Variants in PSG9 observed in about 807,000 individuals in gnomAD.
PSG9 encodes pregnancy specific beta-1-glycoprotein 9, also known as pregnancy-specific beta-1-glycoprotein 9.
In PSG9, 49 loss-of-function variants were observed where a neutral mutation model predicts 41.9. The ratio of observed to expected loss-of-function variants is 1.17; its 90% confidence interval spans 0.93 to 1.48. PSG9 has a LOEUF of 1.48. Among genes scored for constraint, PSG9 ranks in the 40% most tolerant of loss-of-function variants. PSG9 has a pLI of 0.00. For synonymous variants in PSG9, 263 were observed against 196.8 expected, an observed-to-expected ratio of 1.34 and a Z score of -2.82; for missense variants, 641 against 520.3, an observed-to-expected ratio of 1.23 and a Z score of -2.26.
At position 43,261,891 on chromosome 19, in the gene PSG9, A is replaced by G. The variant is rs574939024; in HGVS notation, c.678T>C (p.Ser226=). 1.2e-4 allele frequency: 192 copies of G among 1,613,994 alleles called. No individual in the cohort carries two copies. Among genetic ancestry groups the G allele is most frequent in the African/African-American group, 3.5e-4 (26 of 75,030 alleles). The change falls in exon 3 of 6, where the codon AGT becomes AGC. Residue 226 remains serine (S), a synonymous_variant. Coordinates refer to ENST00000270077, the MANE Select transcript of PSG9 (RefSeq NM_002784.5). ...ECEIRNPVSA[S]RSDPVTLNLL... The stretch of plus-strand genomic sequence containing the variant: ...GATTCAGGGTGACTGGGTCACTGCG[A>G]CTGGCACTCACTGGGTTCCGTATTT...
intron 1 of PSG9, among the ~76,000 whole-genome samples, chr19:43,269,017 T>C (rs1390098469): frequency 1.3e-5 from 2 of 152,036 alleles, no homozygotes; most frequent in Non-Finnish European, 2.9e-5. Context: ...TTTTTCTTTT[T>C]TTTTTGAGAC....
chr19:43,257,546 G>C, intron 5 of PSG9: 2 of 981,078 alleles, frequency 2.0e-6, no homozygotes, highest in Non-Finnish European at 2.4e-6. Flanking sequence ...TCAGGAGTCT[G>C]CCCTGAGGCT....
At chr19:43,263,017 A>G (rs758026907) in intron 2 of PSG9, among the ~76,000 whole-genome samples, 1 of 152,208 alleles carries the variant, frequency 6.6e-6, no homozygotes, top group Non-Finnish European at 1.5e-5. Context: ...CTGGCCCTCA[A>G]GGACCATATG....
At chr19:43,265,238 G>A (rs1252934190) in intron 2 of PSG9, among the ~76,000 whole-genome samples, 1 of 152,110 alleles carries the variant, frequency 6.6e-6, no homozygotes, top group Non-Finnish European at 1.5e-5. Flanking sequence ...AAGATTATAG[G>A]AGGGAACTGA....
At chr19:43,255,788 AG>A (rs1968424727) in intron 5 of PSG9, among the ~76,000 whole-genome samples, 1 of 146,880 alleles carries the variant, frequency 6.8e-6, no homozygotes. Flanking sequence ...TTTAGGAATA[AG>A]TTTAATCAAA....
chr19:43,259,189 C>A (rs1323507970), intron 3 of PSG9, 54 bp from the exon 4 acceptor site: 4 of 1,569,142 alleles, frequency 2.5e-6, no homozygotes, highest in East Asian at 5.4e-5. Flanking sequence ...GATTCCTCCA[C>A]AGGCATACTT....
chr19:43,254,807 A>G lies in PSG9; in HGVS notation c.1244-1161T>C, dbSNP rs183689126. Reference sequence around the variant, plus strand: ...TTACTCAAATCAGAAATGAAAATGGACTCTGAGCATGGTGGGTCATGTTTT... The same window carrying G: ...TTACTCAAATCAGAAATGAAAATGGGCTCTGAGCATGGTGGGTCATGTTTT... On this transcript the variant is annotated intron_variant, in intron 5 of 5. Coordinates refer to ENST00000270077, the MANE Select transcript of PSG9 (RefSeq NM_002784.5). Among the ~76,000 whole-genome samples the G allele has an allele frequency of 1.2e-4, 18 of 145,924 alleles. 3 individuals are homozygous for G. In the East Asian group the frequency reaches 3.1e-3, roughly 25 times the overall value.
In PSG9 at chr19:43,259,125, G is replaced by T. The variant is rs770667201; in HGVS notation, c.720C>A (p.Pro240=). 7.5e-6 allele frequency: 12 copies of T among 1,590,408 alleles called. No homozygotes were observed. Among genetic ancestry groups the T allele is most frequent in the Non-Finnish European group, 7.7e-6 (9 of 1,174,226 alleles). The part of the protein sequence containing the change: ...PVTLNLLPKL[P]IPYITINNLN... Reference sequence around the variant, plus strand: ...AGTTGTTGATGGTGATGTAGGGGATGGGCAGCTTCGCTGTGTGGATAACAG... The same window carrying T: ...AGTTGTTGATGGTGATGTAGGGGATTGGCAGCTTCGCTGTGTGGATAACAG... Residue 240 remains proline (P), a synonymous_variant, in exon 4 of 6, where the codon CCC becomes CCA. Transcript: ENST00000270077.
chr19:43,264,998 A>G (rs1170716085), intron 2 of PSG9, among the ~76,000 whole-genome samples: 4 of 152,132 alleles, frequency 2.6e-5, no homozygotes, highest in Non-Finnish European at 4.4e-5. Context: ...CTGGTTAGTC[A>G]GGGCAGAGAT....
chr19:43,268,119 G>A lies in PSG9; in HGVS notation c.95C>T (p.Thr32Ile). Residue 32 changes from threonine to isoleucine, a missense_variant, in exon 2 of 6, where the codon ACC becomes ATC. By Grantham distance (89) the Thr-to-Ile change is moderately conservative. Coordinates refer to ENST00000270077, the MANE Select transcript of PSG9 (RefSeq NM_002784.5). ...ASLLNFWNPP[T>I]TAEVTIEAQP... ...GGCTTCAATCGTGACTTCGGCAGTG[G>A]TGGGCGGGTTCCAGAAGTTTAAAAG... The A allele has an allele frequency of 6.2e-7, 1 of 1,611,020 alleles. No homozygotes were observed. The highest frequency in any genetic ancestry group is 8.5e-7 in the Non-Finnish European group (1 of 1,178,420).
intron 5 of PSG9, among the ~76,000 whole-genome samples, chr19:43,255,742 A>G (rs1968423022): frequency 6.8e-6 from 1 of 146,884 alleles, no homozygotes; most frequent in Non-Finnish European, 1.5e-5. Context: ...TAAGAAAAAA[A>G]TTTCAATTTA....
rs1311205237 is a variant in PSG9 at position 43,259,016 on chromosome 19, C to T, written c.829G>A (p.Gly277Ser). The change falls in exon 4 of 6, where the codon GGT becomes AGT. Residue 277 changes from glycine (G) to serine (S), a missense_variant. Gly to Ser is a moderately conservative substitution (Grantham distance 56). Coordinates refer to ENST00000270077, the MANE Select transcript of PSG9 (RefSeq NM_002784.5). ...ENYTYIWWLN[G>S]QSLPVSPGVK... ...CCGGGACTGACGGGGAGGCTCTGAC[C>T]GTTTAGCCACCAAATGTAGGTGTAG... 1.3e-5 allele frequency: 20 copies of T among 1,590,628 alleles called. 2 individuals carry two copies. The highest frequency in any genetic ancestry group is 8.0e-5 in the East Asian group (3 of 37,582).
chr19:43,253,930 A>G (rs759551402), intron 5 of PSG9, among the ~76,000 whole-genome samples: 1 of 145,668 alleles, frequency 6.9e-6, no homozygotes, highest in Non-Finnish European at 1.5e-5. Flanking sequence ...CCTGCTCCAC[A>G]TTCCCTCACA....
rs1223743520 is a variant in PSG9, at chr19:43,268,220, C to G, written c.65-71G>C. The G allele has an allele frequency of 6.0e-6, 9 of 1,491,012 alleles. No individual in the cohort carries two copies. In the East Asian group the frequency reaches 1.6e-4, roughly 26 times the overall value. The allele number at this position is 1,491,012 out of a possible 1,614,324, so 92.4% of individuals were successfully genotyped here. ...GTGGTGAAAAGATGGGGCCCTGGGT[C>G]CTGAGAAGGTCTCTTCCATCCTCAG... On this transcript the variant is annotated intron_variant, in intron 1 of 5. Transcript: ENST00000270077.
chr19:43,257,926 C>G (rs1214743069), intron 5 of PSG9: 5 of 1,413,444 alleles, frequency 3.5e-6, no homozygotes, highest in Non-Finnish European at 4.6e-6. Flanking sequence ...CCTTCTTGTC[C>G]CTCTCTGAAG....
At chr19:43,261,393 G>C (rs1421820234) in intron 3 of PSG9, among the ~76,000 whole-genome samples, 1 of 152,180 alleles carries the variant, frequency 6.6e-6, no homozygotes, top group Non-Finnish European at 1.5e-5. Flanking sequence ...TGAGGCAGGA[G>C]AGATTGGGGA....
rs547582901 is a variant in PSG9, at chr19:43,257,923, G to A, written c.1243+279C>T. 3.2e-5 allele frequency: 45 copies of A among 1,416,146 alleles called. 7 individuals are homozygous for A. The highest frequency in any genetic ancestry group is 5.3e-4 in the Middle Eastern group (2 of 3,796). 87.7% of individuals were successfully genotyped at this position (1,416,146 alleles called of 1,614,324 possible). Reference sequence around the variant, plus strand: ...CTTGATCTTGAGGACTCTCCTTCTTGTCCCTCTCTGAAGCCTCTTCTACCA... The same window carrying A: ...CTTGATCTTGAGGACTCTCCTTCTTATCCCTCTCTGAAGCCTCTTCTACCA... On this transcript the variant is annotated intron_variant, in intron 5 of 5. Coordinates refer to ENST00000270077, the MANE Select transcript of PSG9 (RefSeq NM_002784.5).
At chr19:43,256,931 G>A (rs375772686) in intron 5 of PSG9, among the ~76,000 whole-genome samples, 2 of 146,678 alleles carry the variant, frequency 1.4e-5, no homozygotes, top group Non-Finnish European at 3.0e-5. Flanking sequence ...TCACACTAGC[G>A]AAAAAATGGA....
intron 2 of PSG9, among the ~76,000 whole-genome samples, chr19:43,262,950 G>C (rs1203023725): frequency 6.6e-6 from 1 of 152,196 alleles, no homozygotes; most frequent in East Asian, 1.9e-4. Flanking sequence ...ACATGTGGAT[G>C]TTTGCAAATG....
Sources: gnomAD v4.1 joint callset for allele counts (sites outside exome capture counted in the v4.1 genomes callset) on GRCh38, gnomAD v4.1.1 for gene constraint, MANE v1.5 for transcripts, NCBI Gene and HGNC (gene_info 2026-07-23, HGNC 2026-07-21) for gene names.